EBAG9: variants seen among roughly 807,000 people sequenced by gnomAD.
EBAG9 encodes estrogen receptor binding site associated antigen 9.
A neutral mutation model predicts 30.9 loss-of-function variants in EBAG9; 16 were observed. The observed-to-expected ratio is 0.52, with a 90% confidence interval of 0.35 to 0.79. EBAG9 has a LOEUF of 0.79. Among genes scored for constraint, EBAG9 ranks in the 30% least tolerant of loss-of-function variants. The pLI is 0.01. For missense variants in EBAG9, 197 were observed against 242.1 expected, an observed-to-expected ratio of 0.81 and a Z score of 1.24; for synonymous variants, 93 against 82.8, an observed-to-expected ratio of 1.12 and a Z score of -0.67.
chr8:109,562,381 T>A (rs1821728568), intron 6 of EBAG9, among the ~76,000 whole-genome samples: 1 of 151,914 alleles, frequency 6.6e-6, no homozygotes, highest in African/African-American at 2.4e-5. Flanking sequence ...CTTGGGAGAG[T>A]GAGATTGTTA....
At position 109,565,632 on chromosome 8, in the gene EBAG9, A is replaced by G. The variant is rs772473629; in HGVS notation, c.*1073A>G. On this transcript the variant is annotated 3_prime_UTR_variant, in exon 7 of 7. Transcript: ENST00000337573. The stretch of plus-strand genomic sequence containing the variant: ...AGTAGACTTCATAGTTTAAAATCCC[A>G]TTAACCTTTTCACCGCAGTTGAAAT... 1.3e-5 allele frequency: 2 copies of G among 152,082 alleles called. No homozygotes were observed. The highest frequency in any genetic ancestry group is 2.9e-5 in the Non-Finnish European group (2 of 67,958). The allele number at this position is 152,082 out of a possible 1,614,324, so 9.4% of individuals were successfully genotyped here.
intron 6 of EBAG9, among the ~76,000 whole-genome samples, chr8:109,561,881 T>C (rs1333781324): frequency 6.7e-6 from 1 of 149,844 alleles, no homozygotes; most frequent in Non-Finnish European, 1.5e-5. Context: ...CTTTGAAATA[T>C]ATCAAGCCCT....
At chr8:109,563,577 C>CTT (rs76851864) in intron 6 of EBAG9, 627 of 1,347,006 alleles carry the variant, frequency 4.7e-4, no homozygotes, top group Admixed American at 7.8e-4. Flanking sequence ...ACCTACCACT[C>CTT]TTTTTTTTTT....
chr8:109,542,956 T>C lies in EBAG9; in HGVS notation c.-16+2495T>C, dbSNP rs144486643. On this transcript the variant is annotated intron_variant, in intron 1 of 6. Transcript: ENST00000337573. ...TATGCTAGATAGATTACAGTGGAAA[T>C]AGGAAAGAATATGGGCAGTACTGGG... Among the ~76,000 whole-genome samples the C allele has an allele frequency of 5.5e-4, 83 of 152,080 alleles. 1 individual carries two copies. Among genetic ancestry groups the C allele is most frequent in the African/African-American group, 2.0e-3 (83 of 41,492 alleles).
intron 2 of EBAG9, 76 bp downstream of exon 2, chr8:109,550,983 G>T (rs938517289): frequency 1.2e-5 from 11 of 939,668 alleles, no homozygotes; most frequent in African/African-American, 6.6e-5. Context: ...TTCAAATTTC[G>T]TGGACAGGAC....
rs374387177 is a variant in EBAG9, at chr8:109,547,727, G to A, written c.-15-3083G>A. Among the ~76,000 whole-genome samples the A allele has an allele frequency of 7.7e-4, 117 of 152,128 alleles. 1 individual carries two copies. Among genetic ancestry groups the A allele is most frequent in the East Asian group, 7.5e-3 (39 of 5,170 alleles). On this transcript the variant is annotated intron_variant, in intron 1 of 6. Coordinates refer to ENST00000337573, the MANE Select transcript of EBAG9 (RefSeq NM_004215.5). ...GATCTCCTGACCTCGTGATCCGCCC[G>A]CCTCGGCCTCCCAAAGTGCTGGGAT...
chr8:109,563,304 C>T lies in EBAG9; in HGVS notation c.522-1135C>T. On this transcript the variant is annotated intron_variant, in intron 6 of 6. Transcript: ENST00000337573. Reference sequence around the variant, plus strand: ...CACTTTGGATTTTTCTGCATATAACCTAATGTTGCCTATTCCATGCCCAAT... The same window carrying T: ...CACTTTGGATTTTTCTGCATATAACTTAATGTTGCCTATTCCATGCCCAAT... The T allele has an allele frequency of 2.8e-6, 4 of 1,417,674 alleles. No homozygotes were observed. In the East Asian group the frequency reaches 6.8e-5, roughly 24 times the overall value. The allele number at this position is 1,417,674 out of a possible 1,614,324, so 87.8% of individuals were successfully genotyped here. A position where few individuals can be genotyped will look rare whatever the true frequency, so the allele number is the denominator to read the frequency against.
chr8:109,560,451 A>C (rs948733687), intron 5 of EBAG9, among the ~76,000 whole-genome samples: 18 of 152,208 alleles, frequency 1.2e-4, no homozygotes, highest in African/African-American at 4.3e-4. Context: ...AAGGATTTCT[A>C]ATTCAGTCTG....
intron 1 of EBAG9, among the ~76,000 whole-genome samples, chr8:109,544,321 A>G (rs990449607): frequency 4.6e-5 from 7 of 152,198 alleles, no homozygotes; most frequent in African/African-American, 1.7e-4. Context: ...AAAAACTATC[A>G]AATTACTGTA....
At chr8:109,560,794 G>A (rs755496345) in intron 5 of EBAG9, 44 bp from the exon 6 acceptor site, 7 of 1,389,300 alleles carry the variant, frequency 5.0e-6, no homozygotes, top group Non-Finnish European at 6.1e-6. Flanking sequence ...TGTGGAGAAA[G>A]GATGGCTTTT....
At chr8:109,562,530 G>C (rs538175204) in intron 6 of EBAG9, among the ~76,000 whole-genome samples, 1 of 152,016 alleles carries the variant, frequency 6.6e-6, no homozygotes, top group South Asian at 2.1e-4. Flanking sequence ...GTCTAACTCT[G>C]AGCTTTTTTC....
chr8:109,564,716 T>G lies in EBAG9; in HGVS notation c.*157T>G. The G allele has an allele frequency of 9.5e-7, 1 of 1,053,874 alleles. No individual in the cohort carries two copies. The highest frequency in any genetic ancestry group is 2.6e-5 in the East Asian group (1 of 38,098). The allele number at this position is 1,053,874 out of a possible 1,614,324, so 65.3% of individuals were successfully genotyped here. ...ACACCACGATTCTCCCAAAGTACCT[T>G]GAACTCTTAGTGATTGAGACTCAAA... On this transcript the variant is annotated 3_prime_UTR_variant, in exon 7 of 7. Transcript: ENST00000337573.
intron 6 of EBAG9, among the ~76,000 whole-genome samples, chr8:109,561,312 A>G (rs1333166563): frequency 2.6e-5 from 4 of 151,774 alleles, no homozygotes; most frequent in Non-Finnish European, 5.9e-5. Flanking sequence ...CCATTTCCTC[A>G]TGATCTAGCA....
At chr8:109,552,738 C>T (rs1169635335) in intron 2 of EBAG9, among the ~76,000 whole-genome samples, 1 of 152,068 alleles carries the variant, frequency 6.6e-6, no homozygotes, top group Admixed American at 6.6e-5. Flanking sequence ...TTAAAGAAAA[C>T]TGACCATATG....
Position 109,565,349 on chromosome 8 carries a change from G to T in EBAG9, c.*790G>T, listed in dbSNP as rs1468303097. On this transcript the variant is annotated 3_prime_UTR_variant, in exon 7 of 7. Coordinates refer to ENST00000337573, the MANE Select transcript of EBAG9 (RefSeq NM_004215.5). The stretch of plus-strand genomic sequence containing the variant: ...TTGTAAGATGTTGTGGTATCTTTGA[G>T]TGCCTTAGTTCTTCCTTCCTCCCAA... 1 of 152,006 alleles carries T rather than the reference G, an allele frequency of 6.6e-6. No individual in the cohort carries two copies. Among genetic ancestry groups the T allele is most frequent in the Non-Finnish European group, 1.5e-5 (1 of 67,924 alleles). The allele number at this position is 152,006 out of a possible 1,614,324, so 9.4% of individuals were successfully genotyped here. A position where few individuals can be genotyped will look rare whatever the true frequency, so the allele number is the denominator to read the frequency against.
At chr8:109,553,821 T>G (rs200946974) in intron 2 of EBAG9, 44 bp from the exon 3 acceptor site, 2 of 1,501,264 alleles carry the variant, frequency 1.3e-6, no homozygotes, top group East Asian at 4.6e-5. Flanking sequence ...TTACTTTGCT[T>G]GTTTTGGTGG....
chr8:109,549,169 T>C (rs892675176), intron 1 of EBAG9, among the ~76,000 whole-genome samples: 30 of 151,848 alleles, frequency 2.0e-4, no homozygotes, highest in Admixed American at 4.6e-4. Context: ...TTATATGGTT[T>C]TTTGTTTTTA....
chr8:109,555,109 T>G (rs947001688), intron 4 of EBAG9, among the ~76,000 whole-genome samples: 10 of 152,048 alleles, frequency 6.6e-5, no homozygotes, highest in African/African-American at 2.4e-4. Flanking sequence ...ACATTAGGTA[T>G]GTCCCTAATG....
chr8:109,550,931 T>C, intron 2 of EBAG9, 24 bp downstream of exon 2: 1 of 1,460,940 alleles, frequency 6.8e-7, no homozygotes, highest in South Asian at 1.2e-5. Context: ...ATGTTCAAAC[T>C]AACCTGTTTA....
Sources: allele counts gnomAD v4.1 joint callset (sites outside exome capture counted in the v4.1 genomes callset), GRCh38; gene constraint gnomAD v4.1.1; transcripts MANE v1.5; gene names NCBI Gene and HGNC (gene_info 2026-07-23, HGNC 2026-07-21).